The following TDRD9 variants were observed in gnomAD, a reference collection of about 807,000 sequenced individuals.
TDRD9 encodes the protein ATP-dependent RNA helicase TDRD9.
A neutral mutation model predicts 172.6 loss-of-function variants in TDRD9; 124 were observed. The ratio of observed to expected loss-of-function variants is 0.72; its 90% confidence interval spans 0.62 to 0.83. The LOEUF is 0.83. Among genes scored for constraint, TDRD9 ranks in the 40% least tolerant of loss-of-function variants. TDRD9 has a pLI of 0.00. For missense variants in TDRD9, 1,479 were observed against 1,714.1 expected (o/e 0.86, Z 2.42); for synonymous variants, 619 against 617.1 (o/e 1.00, Z -0.05).
Position 104,052,130 on chromosome 14 carries a change from G to C in TDRD9, c.*48G>C. 28 of 1,362,154 alleles carry C rather than the reference G, an allele frequency of 2.1e-5. No individual in the cohort carries two copies. The highest frequency in any genetic ancestry group is 2.9e-5 in the Non-Finnish European group (28 of 977,370). The allele number at this position is 1,362,154 out of a possible 1,614,324, so 84.4% of individuals were successfully genotyped here. Reference sequence around the variant, plus strand: ...GCACACCCCTCAGGAAGCTGTGGAGGCTGGATTCCAGGCTCCCTCCGCAGA... The same window carrying C: ...GCACACCCCTCAGGAAGCTGTGGAGCCTGGATTCCAGGCTCCCTCCGCAGA... On this transcript the variant is annotated 3_prime_UTR_variant, in exon 36 of 36. Coordinates refer to ENST00000409874, the MANE Select transcript of TDRD9 (RefSeq NM_153046.3).
chr14:104,047,832 CT>C (rs2035826558), intron 34 of TDRD9, among the ~76,000 whole-genome samples: 1 of 152,188 alleles, frequency 6.6e-6, no homozygotes, highest in Non-Finnish European at 1.5e-5. Flanking sequence ...AGTCATTGTA[CT>C]TTTCAGCTCT....
At chr14:103,959,766 A>G (rs1159399117) in intron 2 of TDRD9, among the ~76,000 whole-genome samples, 1 of 152,204 alleles carries the variant, frequency 6.6e-6, no homozygotes, top group African/African-American at 2.4e-5. Flanking sequence ...ATCATTTTAC[A>G]TGGTTAAAGA....
chr14:104,020,587 C>T (rs931503074), intron 23 of TDRD9, among the ~76,000 whole-genome samples: 4 of 152,216 alleles, frequency 2.6e-5, no homozygotes, highest in Non-Finnish European at 4.4e-5. Context: ...AAGGAAAATG[C>T]GTGCATTTAT....
At chr14:104,018,952 A>T (rs778981941) in intron 23 of TDRD9, among the ~76,000 whole-genome samples, 6 of 152,154 alleles carry the variant, frequency 3.9e-5, no homozygotes, top group African/African-American at 1.2e-4. Flanking sequence ...TGATTAATAT[A>T]TTGATTTTCT....
At chr14:103,971,674 C>G (rs1318792379) in intron 6 of TDRD9, among the ~76,000 whole-genome samples, 1 of 152,078 alleles carries the variant, frequency 6.6e-6, no homozygotes. Context: ...GTGTAGTACA[C>G]CAGATCTTGC....
chr14:104,006,718 C>A lies in TDRD9; in HGVS notation c.1943+9C>A. On this transcript the variant is annotated intron_variant, in intron 17 of 35. Transcript: ENST00000409874. ...CATCTCGATGGATATAGGTACTGAA[C>A]ATTCATATTTTAAAGTGTCACTGTA... 6.2e-7 allele frequency: 1 copy of A among 1,613,780 alleles called. No homozygotes were observed. Among genetic ancestry groups the A allele is most frequent in the Non-Finnish European group, 8.5e-7 (1 of 1,179,756 alleles).
intron 32 of TDRD9, among the ~76,000 whole-genome samples, chr14:104,038,701 G>T (rs1444500069): frequency 6.6e-6 from 1 of 152,008 alleles, no homozygotes; most frequent in Non-Finnish European, 1.5e-5. Context: ...TTTTGAGTTG[G>T]AGTCTCACTC....
chr14:103,997,736 GC>G lies in TDRD9; in HGVS notation c.1379-886del, dbSNP rs1268802436. 6.6e-6 allele frequency among the ~76,000 whole-genome samples: 1 copy of G among 152,216 alleles called. No homozygotes were observed. Among genetic ancestry groups the G allele is most frequent in the Non-Finnish European group, 1.5e-5 (1 of 68,036 alleles). Reference sequence around the variant, plus strand: ...GGGAAGAAAGCCAGTGAACACAGAGGCCTAGACACCCAGTGGGAAAAGGGTC... The same window carrying G: ...GGGAAGAAAGCCAGTGAACACAGAGGCTAGACACCCAGTGGGAAAAGGGTC... On this transcript the variant is annotated intron_variant, in intron 12 of 35. Transcript: ENST00000409874. This position sits in a 1 kb window ranked among gnomAD's most constrained non-coding sequence, Gnocchi z 5.1.
At chr14:104,046,887 C>T (rs1398973489) in intron 34 of TDRD9, among the ~76,000 whole-genome samples, 1 of 152,162 alleles carries the variant, frequency 6.6e-6, no homozygotes, top group Non-Finnish European at 1.5e-5. Flanking sequence ...ACTTTGTGAT[C>T]CGCCCACCTC....
chr14:104,029,017 C>G (rs748876067), intron 28 of TDRD9, among the ~76,000 whole-genome samples: 6 of 152,168 alleles, frequency 3.9e-5, no homozygotes, highest in Non-Finnish European at 8.8e-5. Context: ...TCTGGGTTCT[C>G]TATTCTGTTC....
At chr14:104,042,470 G>A (rs1264875279) in intron 34 of TDRD9, among the ~76,000 whole-genome samples, 1 of 152,138 alleles carries the variant, frequency 6.6e-6, no homozygotes, top group Non-Finnish European at 1.5e-5. Context: ...AGTGGTGGGT[G>A]TCTTAGGGAT....
At chr14:104,013,466 T>C (rs1338410837) in intron 20 of TDRD9, among the ~76,000 whole-genome samples, 1 of 152,212 alleles carries the variant, frequency 6.6e-6, no homozygotes, top group Non-Finnish European at 1.5e-5. Context: ...GGCTCTCTGC[T>C]ATTCTGACCT....
chr14:104,012,333 C>G (rs1025464129), intron 20 of TDRD9, among the ~76,000 whole-genome samples: 10 of 152,236 alleles, frequency 6.6e-5, no homozygotes, highest in African/African-American at 2.4e-4. Flanking sequence ...CCAAGCCTTT[C>G]TCTGGAATGT....
At chr14:103,949,966 A>G (rs1595904371) in intron 1 of TDRD9, among the ~76,000 whole-genome samples, 1 of 144,750 alleles carries the variant, frequency 6.9e-6, no homozygotes, top group African/African-American at 2.6e-5. Context: ...ATGAGCCACC[A>G]TGCCCGGCCA....
At chr14:103,996,938 TAGG>T (rs1481934337) in intron 12 of TDRD9, among the ~76,000 whole-genome samples, 1 of 151,628 alleles carries the variant, frequency 6.6e-6, no homozygotes, top group East Asian at 2.0e-4. Flanking sequence ...GTGTTTGGGG[TAGG>T]AGAAGGCAAG....
At chr14:103,969,112 CA>C (rs201636270) in intron 5 of TDRD9, among the ~76,000 whole-genome samples, 4 of 118,748 alleles carry the variant, frequency 3.4e-5, no homozygotes, top group African/African-American at 9.1e-5. Context: ...AAAAAAAAAG[CA>C]AAAAAAAAAC....
chr14:104,048,652 G>A (rs903519132), intron 34 of TDRD9, among the ~76,000 whole-genome samples: 23 of 152,084 alleles, frequency 1.5e-4, no homozygotes, highest in African/African-American at 2.4e-4. Flanking sequence ...TTTTTCCCAC[G>A]TGTGTGCACC....
intron 35 of TDRD9, among the ~76,000 whole-genome samples, chr14:104,051,547 T>C (rs1022830429): frequency 6.6e-6 from 1 of 152,270 alleles, no homozygotes; most frequent in Non-Finnish European, 1.5e-5. Flanking sequence ...CCACAGTGGC[T>C]GAACTAAGTT....
intron 5 of TDRD9, among the ~76,000 whole-genome samples, chr14:103,969,827 G>A (rs2152152171): frequency 6.7e-6 from 1 of 150,030 alleles, no homozygotes; most frequent in East Asian, 2.0e-4. Context: ...GGTGGGGCGG[G>A]GTGGGGGGGC....
Sources: allele counts gnomAD v4.1 joint callset (sites outside exome capture counted in the v4.1 genomes callset), GRCh38; gene constraint gnomAD v4.1.1; non-coding constraint Gnocchi (gnomAD v3.1); transcripts MANE v1.5; gene names NCBI Gene and HGNC (gene_info 2026-07-23, HGNC 2026-07-21).